The following CAGE1 variants were observed in gnomAD, a reference collection of about 807,000 sequenced individuals.
CAGE1 encodes the protein cancer-associated gene 1 protein.
A neutral mutation model predicts 94.9 loss-of-function variants in CAGE1; 66 were observed. That is an observed-to-expected ratio of 0.70 (90% CI 0.57 to 0.85). The LOEUF is 0.85. Ranked by LOEUF, CAGE1 falls within the 40% of genes least tolerant of loss-of-function variation. The probability of loss-of-function intolerance (pLI) is 0.00; values close to 1 mark genes in which losing one functional copy is unlikely to be tolerated. For missense variants in CAGE1, 865 were observed against 950.4 expected (o/e 0.91, Z 1.18); for synonymous variants, 319 against 321.0 (o/e 0.99, Z 0.07).
In CAGE1 at chr6:7,386,873, G is replaced by A. The variant is rs192242528; in HGVS notation, c.195+106C>T. 4 of 796,246 alleles carry A rather than the reference G, an allele frequency of 5.0e-6. No individual in the cohort carries two copies. In the Admixed American group the frequency reaches 7.5e-5, roughly 15 times the overall value. The allele number at this position is 796,246 out of a possible 1,614,324, so 49.3% of individuals were successfully genotyped here. A position where few individuals can be genotyped will look rare whatever the true frequency, so the allele number is the denominator to read the frequency against. The stretch of plus-strand genomic sequence containing the variant: ...TATTCCCCTCCTTTATGTGTCCACC[G>A]AATATTGTTTTATTGTTCCTTATAG... On this transcript the variant is annotated intron_variant, in intron 2 of 13. Transcript: ENST00000502583.
Position 7,375,052 on chromosome 6 carries a change from A to C in CAGE1, c.688-921T>G, listed in dbSNP as rs189678523. 2.1e-3 allele frequency among the ~76,000 whole-genome samples: 311 copies of C among 148,088 alleles called. 1 individual carries two copies. Among genetic ancestry groups the C allele is most frequent in the African/African-American group, 7.3e-3 (294 of 40,178 alleles). ...CTGTCTCAAAAAATAATAATAATAA[A>C]ATAAACAAATAAAAATAAAAAAAGA... is the stretch of plus-strand genomic sequence containing the variant. On this transcript the variant is annotated intron_variant, in intron 4 of 13. Transcript: ENST00000502583.
In CAGE1 at chr6:7,334,725, C is replaced by CAAAA. The variant is rs58790989; in HGVS notation, c.2370-639_2370-636dup. Reference sequence around the variant, plus strand: ...CCTGGGACAGAGCTAGACTCTCTCTCAAAAAAAAAAAAAAAAAGGAAAGAA... The same window carrying CAAAA: ...CCTGGGACAGAGCTAGACTCTCTCTCAAAAAAAAAAAAAAAAAAAAAGGAAAGAA... On this transcript the variant is annotated intron_variant, in intron 11 of 13. Transcript: ENST00000502583. Among the ~76,000 whole-genome samples, 7 of 67,890 alleles carry CAAAA rather than the reference C, an allele frequency of 1.0e-4. 1 individual carries two copies. The highest frequency in any genetic ancestry group is 5.8e-4 in the African/African-American group (7 of 12,164). The allele number at this position is 67,890 out of a possible 152,430, so 44.5% of individuals were successfully genotyped here.
In CAGE1 at chr6:7,356,103, C is replaced by A; in HGVS notation, c.2220G>T (p.Glu740Asp). Residue 740 changes from glutamate to aspartate, a missense_variant, in exon 10 of 14, where the codon GAG becomes GAT. Physicochemically the swap from Glu to Asp is conservative, Grantham distance 45. Transcript: ENST00000502583. ...FLITKLGHLLESKENHCNRLI... is the reference protein window; with the variant it reads ...FLITKLGHLLDSKENHCNRLI... ...GTCTGTTGCAGTGGTTTTCTTTTGA[C>A]TCTAGGAGATGTCCCAGTTTTGTGA... is the stretch of plus-strand genomic sequence containing the variant. The A allele has an allele frequency of 6.5e-7, 1 of 1,549,096 alleles. No homozygotes were observed. The highest frequency in any genetic ancestry group is 8.7e-7 in the Non-Finnish European group (1 of 1,144,622).
intron 9 of CAGE1, among the ~76,000 whole-genome samples, chr6:7,358,592 G>A (rs1441511195): frequency 1.3e-5 from 2 of 152,162 alleles, no homozygotes; most frequent in Non-Finnish European, 2.9e-5. Flanking sequence ...TGTAATCCCA[G>A]TGCTTTGGGA....
chr6:7,329,134 T>G, intron 13 of CAGE1: 1 of 361,142 alleles, frequency 2.8e-6, no homozygotes, highest in Admixed American at 4.7e-5. Context: ...GGGTTCCCCA[T>G]GTTGGTCAGG....
rs1294413285 is a variant in CAGE1 at position 7,389,682 on chromosome 6, A to G, written c.-504T>C. 4.4e-6 allele frequency: 2 copies of G among 449,734 alleles called. No individual in the cohort carries two copies. The highest frequency in any genetic ancestry group is 8.2e-6 in the Non-Finnish European group (2 of 244,480). 27.9% of individuals were successfully genotyped at this position (449,734 alleles called of 1,614,324 possible). On this transcript the variant is annotated 5_prime_UTR_variant, in exon 1 of 14. Transcript: ENST00000502583. ...GGCCTCGCCGTGCCGGCTACTCAAC[A>G]CGCCTTCCTGAGAGCACAGAACATC...
In CAGE1 at chr6:7,334,163, G is replaced by C. The variant is rs183868904; in HGVS notation, c.2370-73C>G. 5.3e-3 allele frequency: 4,547 copies of C among 858,826 alleles called. 20 individuals carry two copies. The highest frequency in any genetic ancestry group is 6.8e-3 in the Non-Finnish European group (3,781 of 553,070). 53.2% of individuals were successfully genotyped at this position (858,826 alleles called of 1,614,324 possible). On this transcript the variant is annotated intron_variant, in intron 11 of 13. Transcript: ENST00000502583. ...GACCAATATTTTGTTAGATTCACTG[G>C]AGGATTTTAGTAGGTAAAAATAGGT...
Position 7,370,040 on chromosome 6 carries a change from A to G in CAGE1, c.1772T>C (p.Leu591Pro). The G allele has an allele frequency of 1.9e-6, 3 of 1,609,382 alleles. No individual in the cohort carries two copies. The highest frequency in any genetic ancestry group is 1.7e-5 in the Admixed American group (1 of 58,738). The change falls in exon 6 of 14, where the codon CTG (leucine) becomes CCG (proline). Residue 591 changes from leucine to proline, a missense_variant. Transcript: ENST00000502583. Reference sequence around the variant, plus strand: ...TTCACAAGGTGAGCAATCCGGGAGCAGATTAGAATGTGTCGTTTTTGTATC... The same window carrying G: ...TTCACAAGGTGAGCAATCCGGGAGCGGATTAGAATGTGTCGTTTTTGTATC... Reference protein sequence around the residue: ...TKDTKTTHSNLLPDCSPCEER... With the variant: ...TKDTKTTHSNPLPDCSPCEER...
chr6:7,368,047 A>T (rs1257989543), intron 7 of CAGE1, among the ~76,000 whole-genome samples: 1 of 152,050 alleles, frequency 6.6e-6, no homozygotes, highest in Non-Finnish European at 1.5e-5. Context: ...GCTGCATTTC[A>T]TTAAATTCGG....
At chr6:7,363,336 A>T (rs965172072) in intron 9 of CAGE1, among the ~76,000 whole-genome samples, 1 of 152,236 alleles carries the variant, frequency 6.6e-6, no homozygotes, top group Non-Finnish European at 1.5e-5. Flanking sequence ...TACCACTATC[A>T]CATCTATTAA....
intron 11 of CAGE1, among the ~76,000 whole-genome samples, chr6:7,353,482 T>C (rs1183078704): frequency 6.6e-6 from 1 of 152,038 alleles, no homozygotes; most frequent in East Asian, 1.9e-4. Flanking sequence ...TGGAAAACAG[T>C]GTGGAGATTC....
chr6:7,357,052 C>T (rs965501635), intron 9 of CAGE1, among the ~76,000 whole-genome samples: 22 of 152,158 alleles, frequency 1.4e-4, no homozygotes, highest in African/African-American at 3.9e-4. Flanking sequence ...CCCCCGTCGG[C>T]CTCCCAAAGT....
intron 1 of CAGE1, among the ~76,000 whole-genome samples, chr6:7,387,741 C>T (rs1761166417): frequency 1.3e-5 from 2 of 151,832 alleles, no homozygotes; most frequent in Admixed American, 6.6e-5. Context: ...CTTTCAGGGC[C>T]GAGCGCGGTG....
intron 4 of CAGE1, among the ~76,000 whole-genome samples, chr6:7,374,768 G>A (rs543516201): frequency 5.3e-5 from 8 of 152,280 alleles, no homozygotes; most frequent in Admixed American, 1.3e-4. Flanking sequence ...GGTAGCTCAC[G>A]CCTGTAATCC....
At chr6:7,345,244 G>A (rs2477477) in intron 11 of CAGE1, among the ~76,000 whole-genome samples, 70,585 of 142,424 alleles carry the variant, frequency 0.5, 17,004 homozygotes, top group African/African-American at 0.68. Flanking sequence ...CAAGAAGAAG[G>A]AACAACTCCA....
intron 13 of CAGE1, chr6:7,329,139 G>T (rs1176622983): frequency 5.5e-6 from 2 of 365,250 alleles, no homozygotes; most frequent in Non-Finnish European, 4.9e-6. Flanking sequence ...CCCCATGTTG[G>T]TCAGGCTGGT....
In CAGE1 at chr6:7,339,172, C is replaced by T. The variant is rs1759076869; in HGVS notation, c.2370-5082G>A. The T allele has an allele frequency of 6.6e-7, 1 of 1,517,106 alleles. No individual in the cohort carries two copies. Among genetic ancestry groups the T allele is most frequent in the African/African-American group, 1.4e-5 (1 of 73,106 alleles). 94.0% of individuals were successfully genotyped at this position (1,517,106 alleles called of 1,614,324 possible). On this transcript the variant is annotated intron_variant, in intron 11 of 13. Coordinates refer to ENST00000502583, the MANE Select transcript of CAGE1 (RefSeq NM_001170692.2). This position sits in a 1 kb window ranked among gnomAD's most constrained non-coding sequence, Gnocchi z 4.7. ...TTCCCAGACACCACGACCTCACAGC[C>T]TTTGGCCCCAGTTTCCATGATGAAC... is the stretch of plus-strand genomic sequence containing the variant.
intron 11 of CAGE1, among the ~76,000 whole-genome samples, chr6:7,353,597 CAT>C (rs745733137): frequency 2.6e-5 from 4 of 152,152 alleles, no homozygotes; most frequent in Admixed American, 6.6e-5. Context: ...CTTGAACACA[CAT>C]GTTTGTAGCA....
chr6:7,348,899 A>T (rs927206117), intron 11 of CAGE1, among the ~76,000 whole-genome samples: 1 of 152,214 alleles, frequency 6.6e-6, no homozygotes, highest in South Asian at 2.1e-4. Context: ...AAAGCCTCCA[A>T]GAAGTCTGGG....
Sources: gnomAD v4.1 joint callset for allele counts (sites outside exome capture counted in the v4.1 genomes callset) on GRCh38, gnomAD v4.1.1 for gene constraint, Gnocchi (gnomAD v3.1) non-coding constraint, MANE v1.5 for transcripts, NCBI Gene and HGNC (gene_info 2026-07-23, HGNC 2026-07-21) for gene names.